Variants in ITGAM observed in about 807,000 individuals in gnomAD.
ITGAM encodes the protein integrin subunit alpha M.
In ITGAM, 79 loss-of-function variants were observed where a neutral mutation model predicts 137.5. That is an observed-to-expected ratio of 0.57 (90% CI 0.48 to 0.69). The LOEUF (loss-of-function observed/expected upper bound fraction) is 0.69. Among genes scored for constraint, ITGAM ranks in the 30% least tolerant of loss-of-function variants. The pLI is 0.00. For missense variants in ITGAM, 1,343 were observed against 1,483.5 expected (o/e 0.91, Z 1.56); for synonymous variants, 583 against 592.3 (o/e 0.98, Z 0.23).
chr16:31,304,921 A>T (rs1211823815), intron 14 of ITGAM, among the ~76,000 whole-genome samples: 1 of 152,052 alleles, frequency 6.6e-6, no homozygotes, highest in East Asian at 1.9e-4. Flanking sequence ...CTTTTTGCTT[A>T]GTATTGCTTT....
At chr16:31,268,918 T>C (rs892582457) in intron 5 of ITGAM, among the ~76,000 whole-genome samples, 1 of 152,184 alleles carries the variant, frequency 6.6e-6, no homozygotes, top group Admixed American at 6.5e-5. Context: ...TTCACCTTGC[T>C]TGCTGCCTAG....
chr16:31,284,043 A>C (rs1596994496), intron 12 of ITGAM, among the ~76,000 whole-genome samples: 1 of 152,162 alleles, frequency 6.6e-6, no homozygotes, highest in Non-Finnish European at 1.5e-5. Flanking sequence ...CAGAACAGCA[A>C]ATATTACAAA....
intron 14 of ITGAM, among the ~76,000 whole-genome samples, chr16:31,300,954 A>T (rs568404287): frequency 6.6e-6 from 1 of 152,130 alleles, no homozygotes; most frequent in Non-Finnish European, 1.5e-5. Flanking sequence ...ATTGAGTTGT[A>T]TGAGTTCACT....
intron 2 of ITGAM, among the ~76,000 whole-genome samples, chr16:31,264,135 C>T (rs543713733): frequency 3.3e-5 from 5 of 151,934 alleles, no homozygotes; most frequent in Non-Finnish European, 5.9e-5. Context: ...TGCGCCTGGC[C>T]CAGAAATTTA....
intron 12 of ITGAM, among the ~76,000 whole-genome samples, chr16:31,287,218 C>T (rs1195284863): frequency 6.6e-6 from 1 of 152,146 alleles, no homozygotes; most frequent in Non-Finnish European, 1.5e-5. Context: ...TCTGGGCTCT[C>T]TGTTCTATTC....
rs150246271 is a variant in ITGAM at position 31,290,419 on chromosome 16, T to C, written c.1357-7095T>C. 2.2e-4 allele frequency among the ~76,000 whole-genome samples: 34 copies of C among 152,284 alleles called. No individual in the cohort carries two copies. The East Asian group carries it at 6.4e-3, about 29-fold the overall frequency. ...TATGGTCTATACATTTAATCTAAAT[T>C]ATAAAAGCTACTTTGAAGAAAACAA... On this transcript the variant is annotated intron_variant, in intron 12 of 29. Transcript: ENST00000544665.
chr16:31,328,986 G>A, intron 23 of ITGAM: 1 of 593,500 alleles, frequency 1.7e-6, no homozygotes, highest in African/African-American at 1.9e-5. Flanking sequence ...CTGTGTGCAT[G>A]TGTGTATGTG....
At chr16:31,282,136 C>A (rs1229817007) in intron 12 of ITGAM, among the ~76,000 whole-genome samples, 6 of 152,086 alleles carry the variant, frequency 3.9e-5, no homozygotes, top group Non-Finnish European at 7.3e-5. Context: ...GCTTTACTTC[C>A]AACTATGTGG....
At chr16:31,272,103 C>T (rs878978105) in intron 7 of ITGAM, 111 bp downstream of exon 7, 118 of 1,291,972 alleles carry the variant, frequency 9.1e-5, no homozygotes, top group Middle Eastern at 7.8e-4. Context: ...GCTTCCCCAC[C>T]GGCAGAGGTG....
At chr16:31,284,444 G>A (rs1269228485) in intron 12 of ITGAM, among the ~76,000 whole-genome samples, 1 of 151,872 alleles carries the variant, frequency 6.6e-6, no homozygotes, top group African/African-American at 2.4e-5. Context: ...CCCTCCCCCA[G>A]CCTCACTGCC....
At chr16:31,319,841 C>G (rs1370074599) in intron 14 of ITGAM, among the ~76,000 whole-genome samples, 2 of 149,760 alleles carry the variant, frequency 1.3e-5, no homozygotes, top group Admixed American at 1.3e-4. Context: ...GAGACGGAAT[C>G]TCATTCTGTC....
chr16:31,265,919 G>T, intron 4 of ITGAM, 38 bp downstream of exon 4: 2 of 1,606,754 alleles, frequency 1.2e-6, no homozygotes, highest in South Asian at 1.1e-5. Context: ...CCTAATGGGG[G>T]TGTTTGGGGG....
At chr16:31,322,463 C>G (rs1281159536) in intron 16 of ITGAM, among the ~76,000 whole-genome samples, 1 of 152,182 alleles carries the variant, frequency 6.6e-6, no homozygotes, top group Non-Finnish European at 1.5e-5. Context: ...TTGGCTGACT[C>G]TTAAGACACG....
chr16:31,325,119 G>A (rs765503659), intron 19 of ITGAM, 88 bp downstream of exon 19: 104 of 1,471,574 alleles, frequency 7.1e-5, no homozygotes, highest in Non-Finnish European at 8.6e-5. Flanking sequence ...AGGGAGCCGG[G>A]TGTTCCTGGG....
chr16:31,329,746 A>G (rs2080555249), intron 24 of ITGAM, 52 bp from the exon 25 acceptor site: 2 of 1,480,664 alleles, frequency 1.4e-6, no homozygotes, highest in South Asian at 1.2e-5. Flanking sequence ...CTGATTCTCC[A>G]GGCTGGTGGG....
chr16:31,273,912 G>C (rs2079878748), intron 8 of ITGAM, among the ~76,000 whole-genome samples: 1 of 152,170 alleles, frequency 6.6e-6, no homozygotes, highest in South Asian at 2.1e-4. Context: ...TGGCAACCTG[G>C]CTCTCATTCT....
chr16:31,285,242 G>T (rs1402348290), intron 12 of ITGAM, among the ~76,000 whole-genome samples: 2 of 152,170 alleles, frequency 1.3e-5, no homozygotes, highest in African/African-American at 4.8e-5. Context: ...GTTAGGTCAT[G>T]AGTTGATCTT....
At chr16:31,265,296 G>A (rs1355997990) in intron 2 of ITGAM, 99 bp from the exon 3 acceptor site, 1 of 529,048 alleles carries the variant, frequency 1.9e-6, no homozygotes, top group South Asian at 3.3e-5. Flanking sequence ...AGGAATCCGG[G>A]TATGGGCCCC....
chr16:31,305,421 C>T (rs1422509845), intron 14 of ITGAM, among the ~76,000 whole-genome samples: 2 of 152,108 alleles, frequency 1.3e-5, no homozygotes, highest in Non-Finnish European at 2.9e-5. Context: ...ATTTGACTTC[C>T]TCTTTTCCAA....
Sources: gnomAD v4.1 joint callset for allele counts (sites outside exome capture counted in the v4.1 genomes callset) on GRCh38, gnomAD v4.1.1 for gene constraint, MANE v1.5 for transcripts, NCBI Gene and HGNC (gene_info 2026-07-23, HGNC 2026-07-21) for gene names.